The following PCDHGA1 variants were observed in gnomAD, a reference collection of about 807,000 sequenced individuals.
The protein encoded by PCDHGA1 is protocadherin gamma-A1.
Under a neutral mutation model 58.0 loss-of-function variants are expected in PCDHGA1, and 32 were observed. That is an observed-to-expected ratio of 0.55 (90% CI 0.42 to 0.74). The LOEUF is 0.74. Among genes scored for constraint, PCDHGA1 ranks in the 30% least tolerant of loss-of-function variants. The pLI is 0.00. For missense variants in PCDHGA1, 1,205 were observed against 1,182.3 expected (o/e 1.02, Z -0.28); for synonymous variants, 498 against 501.1 (o/e 0.99, Z 0.08).
chr5:141,471,893 T>G (rs1289667371), intron 1 of PCDHGA1, among the ~76,000 whole-genome samples: 1 of 152,166 alleles, frequency 6.6e-6, no homozygotes, highest in African/African-American at 2.4e-5. Flanking sequence ...CTAGGAAGAT[T>G]GACTACAGAC....
rs1409012917 is a variant in PCDHGA1 at position 141,512,928 on chromosome 5, T to A, written c.*1755T>A. On this transcript the variant is annotated 3_prime_UTR_variant, in exon 4 of 4. Transcript: ENST00000517417. ...CAAGTTTTATACTCTAATATTTATA[T>A]GGCTTTTTTTCTTCGACAAAAAAAT... is the stretch of plus-strand genomic sequence containing the variant. 1.3e-5 allele frequency: 2 copies of A among 152,190 alleles called. No individual in the cohort carries two copies. Among genetic ancestry groups the A allele is most frequent in the Non-Finnish European group, 2.9e-5 (2 of 68,044 alleles). The allele number at this position is 152,190 out of a possible 1,614,324, so 9.4% of individuals were successfully genotyped here.
At chr5:141,345,326 A>G in intron 1 of PCDHGA1, 1 of 1,614,000 alleles carries the variant, frequency 6.2e-7, no homozygotes, top group Non-Finnish European at 8.5e-7. Context: ...GAAGCCCGCC[A>G]CTGTCCACAG....
intron 1 of PCDHGA1, chr5:141,360,507 G>A (rs1054504222): frequency 6.2e-7 from 1 of 1,613,916 alleles, no homozygotes; most frequent in African/African-American, 1.3e-5. Flanking sequence ...TAATTGTGCA[G>A]GATATAAATG....
chr5:141,395,750 G>C (rs1308444906), intron 1 of PCDHGA1: 3 of 152,888 alleles, frequency 2.0e-5, no homozygotes, highest in African/African-American at 7.3e-5. Flanking sequence ...TCTTTTCTGA[G>C]CCCTGTTTCT....
In PCDHGA1 at chr5:141,432,785, G is replaced by A. The variant is rs1356593437; in HGVS notation, c.2422-62022G>A. 2.5e-6 allele frequency: 4 copies of A among 1,613,992 alleles called. No individual in the cohort carries two copies. The African/African-American group carries it at 4.0e-5, about 16-fold the overall frequency. On this transcript the variant is annotated intron_variant, in intron 1 of 3. Transcript: ENST00000517417. The surrounding 1 kb of genome is among the most constrained non-coding windows in gnomAD (Gnocchi z 6.0). ...CATCCCCCAAGTCCTGGCGGACCTC[G>A]GCAGCCTCGAGTCTCCAGCTAACTC...
At chr5:141,409,772 C>T (rs2095314133) in intron 1 of PCDHGA1, 1 of 1,612,736 alleles carries the variant, frequency 6.2e-7, no homozygotes, top group Non-Finnish European at 8.5e-7. Flanking sequence ...TGATCACGAG[C>T]AGCTGCGCGC....
In PCDHGA1 at chr5:141,477,928, C is replaced by T; in HGVS notation, c.2422-16879C>T. On this transcript the variant is annotated intron_variant, in intron 1 of 3. Coordinates refer to ENST00000517417, the MANE Select transcript of PCDHGA1 (RefSeq NM_018912.3). This position sits in a 1 kb window ranked among gnomAD's most constrained non-coding sequence, Gnocchi z 4.9. ...GGGACGCGGATGCAGGGCACAATGC[C>T]TGGCTCTCCTACAGTCTCTTGGGAT... The T allele has an allele frequency of 6.2e-7, 1 of 1,614,186 alleles. No individual in the cohort carries two copies.
chr5:141,469,395 T>G lies in PCDHGA1; in HGVS notation c.2422-25412T>G, dbSNP rs1332746609. ...ATCGAGACCATCCTGGCCAACATGG[T>G]GAAACCCCGTTTCTACTAAAAATAT... On this transcript the variant is annotated intron_variant, in intron 1 of 3. Transcript: ENST00000517417. Among the ~76,000 whole-genome samples, 6 of 152,194 alleles carry G rather than the reference T, an allele frequency of 3.9e-5. No homozygotes were observed. The East Asian group carries it at 1.2e-3, about 29-fold the overall frequency.
intron 1 of PCDHGA1, chr5:141,388,667 G>A (rs1561620639): frequency 1.2e-6 from 2 of 1,613,918 alleles, no homozygotes; most frequent in Non-Finnish European, 8.5e-7. Flanking sequence ...GGACCACGGT[G>A]CTACAGGTGA....
Position 141,490,330 on chromosome 5 carries a change from C to G in PCDHGA1, c.2422-4477C>G. 4 of 1,614,198 alleles carry G rather than the reference C, an allele frequency of 2.5e-6. No homozygotes were observed. Among genetic ancestry groups the G allele is most frequent in the South Asian group, 1.1e-5 (1 of 91,082 alleles). On this transcript the variant is annotated intron_variant, in intron 1 of 3. Coordinates refer to ENST00000517417, the MANE Select transcript of PCDHGA1 (RefSeq NM_018912.3). This position sits in a 1 kb window ranked among gnomAD's most constrained non-coding sequence, Gnocchi z 5.4. ...GGCCAACCCTGTCCTAGAGAGCACACCAGTGGGCACAGTAGTGGGGTTGTT... is the reference window on the plus strand; with the variant it reads ...GGCCAACCCTGTCCTAGAGAGCACAGCAGTGGGCACAGTAGTGGGGTTGTT...
chr5:141,408,202 G>A (rs778320550), intron 1 of PCDHGA1: 6 of 1,549,832 alleles, frequency 3.9e-6, no homozygotes, highest in African/African-American at 1.4e-5. Flanking sequence ...CCGAGCGAAC[G>A]ATGGGAGGGA....
At chr5:141,434,843 G>C (rs1302739038) in intron 1 of PCDHGA1, among the ~76,000 whole-genome samples, 2 of 151,746 alleles carry the variant, frequency 1.3e-5, no homozygotes, top group African/African-American at 4.8e-5. Flanking sequence ...TTATAAAGCA[G>C]ACATCAATAA....
Position 141,485,979 on chromosome 5 carries a change from C to T in PCDHGA1, c.2422-8828C>T. ...CTCATCCAGCTCAATGCCTCAGACC[C>T]GGACCTGGGTCCCAGTGGTAACGTC... is the stretch of plus-strand genomic sequence containing the variant. On this transcript the variant is annotated intron_variant, in intron 1 of 3. Coordinates refer to ENST00000517417, the MANE Select transcript of PCDHGA1 (RefSeq NM_018912.3). The surrounding 1 kb of genome is among the most constrained non-coding windows in gnomAD (Gnocchi z 5.7). The T allele has an allele frequency of 1.2e-6, 2 of 1,614,182 alleles. No individual in the cohort carries two copies. The highest frequency in any genetic ancestry group is 1.7e-6 in the Non-Finnish European group (2 of 1,180,022).
chr5:141,500,148 G>T (rs936567158), intron 2 of PCDHGA1, among the ~76,000 whole-genome samples: 6 of 150,990 alleles, frequency 4.0e-5, no homozygotes, highest in African/African-American at 1.5e-4. Flanking sequence ...ACTTTTCTTT[G>T]TGTAATCAAA....
chr5:141,360,810 G>C, intron 1 of PCDHGA1: 3 of 1,613,878 alleles, frequency 1.9e-6, no homozygotes, highest in Non-Finnish European at 2.5e-6. Context: ...AAAGTGGCAC[G>C]ACCCAAATCC....
intron 1 of PCDHGA1, among the ~76,000 whole-genome samples, chr5:141,452,199 G>T (rs2098736057): frequency 1.3e-5 from 2 of 151,778 alleles, no homozygotes; most frequent in African/African-American, 4.8e-5. Flanking sequence ...AATTGTTTTA[G>T]ATGTTACCAA....
At chr5:141,385,370 A>G (rs1165174523) in intron 1 of PCDHGA1, 1 of 1,530,088 alleles carries the variant, frequency 6.5e-7, no homozygotes, top group South Asian at 1.3e-5. Flanking sequence ...TATTTGCATG[A>G]TATTTCTCTA....
At chr5:141,362,014 C>G (rs748394772) in intron 1 of PCDHGA1, 5 of 1,605,936 alleles carry the variant, frequency 3.1e-6, no homozygotes, top group African/African-American at 1.3e-5. Context: ...GGGTGAGGTG[C>G]GCACAGCGCG....
In PCDHGA1 at chr5:141,489,661, C is replaced by T. The variant is rs756803543; in HGVS notation, c.2422-5146C>T. 36 of 1,614,146 alleles carry T rather than the reference C, an allele frequency of 2.2e-5. 1 individual carries two copies. Among genetic ancestry groups the T allele is most frequent in the South Asian group, 5.5e-5 (5 of 91,090 alleles). ...CTTTGCCACCCCTGAGCGAGAGATG[C>T]GCATCTCAGAATCAGCAGCATCTGG... On this transcript the variant is annotated intron_variant, in intron 1 of 3. Coordinates refer to ENST00000517417, the MANE Select transcript of PCDHGA1 (RefSeq NM_018912.3). The surrounding 1 kb of genome is among the most constrained non-coding windows in gnomAD (Gnocchi z 4.5).
Sources: allele counts gnomAD v4.1 joint callset (sites outside exome capture counted in the v4.1 genomes callset), GRCh38; gene constraint gnomAD v4.1.1; non-coding constraint Gnocchi (gnomAD v3.1); transcripts MANE v1.5; gene names NCBI Gene and HGNC (gene_info 2026-07-23, HGNC 2026-07-21).